RFX3: variants seen among roughly 807,000 people sequenced by gnomAD.
RFX3 encodes regulatory factor X3, also known as transcription factor RFX3.
Under a neutral mutation model 98.6 loss-of-function variants are expected in RFX3, and 14 were observed. The observed-to-expected ratio is 0.14, with a 90% CI of 0.09 to 0.22. The LOEUF (loss-of-function observed/expected upper bound fraction) is 0.22. Among genes scored for constraint, RFX3 ranks in the 10% least tolerant of loss-of-function variants. RFX3 has a pLI of 1.00. For synonymous variants in RFX3, 383 were observed against 328.4 expected (o/e 1.17, Z -1.80); for missense variants, 639 against 926.9 (o/e 0.69, Z 4.03).
intron 4 of RFX3, among the ~76,000 whole-genome samples, chr9:3,319,287 G>C (rs1830989446): frequency 6.6e-6 from 1 of 152,202 alleles, no homozygotes; most frequent in African/African-American, 2.4e-5. Flanking sequence ...GAGATCCAGA[G>C]ATGTGTTTTA....
At chr9:3,362,121 ATTACTTAAATTCTCTC>A (rs1836532588) in intron 2 of RFX3, among the ~76,000 whole-genome samples, 1 of 152,192 alleles carries the variant, frequency 6.6e-6, no homozygotes. Context: ...TGGAAAAAAT[ATTACTTAAATTCTCTC>A]TCACTGTGTT....
At chr9:3,492,478 G>A (rs944477942) in intron 1 of RFX3, among the ~76,000 whole-genome samples, 2 of 152,192 alleles carry the variant, frequency 1.3e-5, no homozygotes, top group African/African-American at 4.8e-5. Flanking sequence ...TGCTCCCCGA[G>A]TCCTTCAGAC....
Position 3,221,739 on chromosome 9 carries a change from CT to C in RFX3, c.*3302del, listed in dbSNP as rs533859426. 1.3e-5 allele frequency: 2 copies of C among 152,108 alleles called. No homozygotes were observed. Among genetic ancestry groups the C allele is most frequent in the Non-Finnish European group, 2.9e-5 (2 of 67,992 alleles). The allele number at this position is 152,108 out of a possible 1,614,324, so 9.4% of individuals were successfully genotyped here. On this transcript the variant is annotated 3_prime_UTR_variant, in exon 17 of 17. Transcript: ENST00000617270. Reference sequence around the variant, plus strand: ...GTTCACTGGTTTCATGAATGCAAATCTTTTGAGTATGATTTTCAAACTATAT... The same window carrying C: ...GTTCACTGGTTTCATGAATGCAAATCTTTGAGTATGATTTTCAAACTATAT...
At chr9:3,439,849 A>G (rs1322017942) in intron 1 of RFX3, among the ~76,000 whole-genome samples, 1 of 152,030 alleles carries the variant, frequency 6.6e-6, no homozygotes, top group Non-Finnish European at 1.5e-5. Context: ...AATACTTCTC[A>G]TGTACATAAA....
At chr9:3,353,189 G>C (rs1420311215) in intron 2 of RFX3, among the ~76,000 whole-genome samples, 1 of 138,918 alleles carries the variant, frequency 7.2e-6, no homozygotes, top group African/African-American at 2.7e-5. Flanking sequence ...ACACTCTGGG[G>C]ACTGTTGTGG....
rs59801619 is a variant in RFX3 at position 3,300,959 on chromosome 9, A to T, written c.549+587T>A. On this transcript the variant is annotated intron_variant, in intron 5 of 16. Transcript: ENST00000617270. Reference sequence around the variant, plus strand: ...TAGTAATGGTAGTTTTATCTCAATTATTAGCAATTTATGGCTTGTAGACAG... The same window carrying T: ...TAGTAATGGTAGTTTTATCTCAATTTTTAGCAATTTATGGCTTGTAGACAG... Among the ~76,000 whole-genome samples the T allele has an allele frequency of 5.3e-3, 798 of 151,990 alleles. 9 individuals are homozygous for T. The highest frequency in any genetic ancestry group is 0.018 in the African/African-American group (757 of 41,512).
intron 16 of RFX3, among the ~76,000 whole-genome samples, chr9:3,225,623 T>C (rs532975229): frequency 9.2e-4 from 140 of 152,278 alleles, no homozygotes; most frequent in African/African-American, 3.0e-3. Flanking sequence ...CACTTTGGTA[T>C]GTTATGCTGG....
At chr9:3,472,824 T>C (rs941126277) in intron 1 of RFX3, among the ~76,000 whole-genome samples, 4 of 152,230 alleles carry the variant, frequency 2.6e-5, no homozygotes, top group African/African-American at 4.8e-5. Flanking sequence ...ACTGCTATAG[T>C]ATCCTGATGT....
intron 1 of RFX3, among the ~76,000 whole-genome samples, chr9:3,481,662 A>C (rs901039224): frequency 1.3e-5 from 2 of 152,172 alleles, no homozygotes; most frequent in Middle Eastern, 3.4e-3. Context: ...ATGGATCACA[A>C]ATTTCCATAT....
chr9:3,473,125 A>G (rs182870339), intron 1 of RFX3, among the ~76,000 whole-genome samples: 1 of 152,302 alleles, frequency 6.6e-6, no homozygotes, highest in African/African-American at 2.4e-5. Flanking sequence ...AAGAATCTCA[A>G]TGGTAGGCAA....
intron 1 of RFX3, among the ~76,000 whole-genome samples, chr9:3,513,022 C>T (rs578093542): frequency 6.6e-6 from 1 of 152,060 alleles, no homozygotes; most frequent in South Asian, 2.1e-4. Flanking sequence ...ATCTAATAAC[C>T]CATTTCTCTC....
intron 1 of RFX3, among the ~76,000 whole-genome samples, chr9:3,415,048 TTATA>T (rs1283291866): frequency 8.0e-6 from 1 of 125,296 alleles, no homozygotes; most frequent in Non-Finnish European, 1.6e-5. Flanking sequence ...ATATATATAC[TTATA>T]TATATACTCA....
At chr9:3,288,273 T>A (rs777836874) in intron 6 of RFX3, 23 bp from the exon 7 acceptor site, 5 of 1,608,738 alleles carry the variant, frequency 3.1e-6, no homozygotes, top group Non-Finnish European at 1.7e-6. Context: ...ACAAGAAACA[T>A]TAGAAACAAA....
intron 3 of RFX3, among the ~76,000 whole-genome samples, chr9:3,334,222 A>C (rs1049480434): frequency 1.3e-5 from 2 of 152,232 alleles, no homozygotes; most frequent in Non-Finnish European, 2.9e-5. Context: ...CTTACAGCTT[A>C]CTTTACTGTT....
intron 2 of RFX3, among the ~76,000 whole-genome samples, chr9:3,366,063 G>T (rs1837028435): frequency 6.6e-6 from 1 of 151,992 alleles, no homozygotes; most frequent in Non-Finnish European, 1.5e-5. Context: ...CCTTTTAGTT[G>T]TGTCACTGTG....
intron 14 of RFX3, among the ~76,000 whole-genome samples, chr9:3,249,404 T>C (rs1206619511): frequency 2.0e-5 from 3 of 152,116 alleles, no homozygotes; most frequent in Non-Finnish European, 4.4e-5. Flanking sequence ...CCCCGAGATG[T>C]TTTTCCTCTT....
chr9:3,396,998 C>T (rs1234185714), intron 1 of RFX3, among the ~76,000 whole-genome samples: 4 of 152,212 alleles, frequency 2.6e-5, no homozygotes, highest in Admixed American at 6.5e-5. Flanking sequence ...AATCAAAATT[C>T]GATTATAGTC....
intron 1 of RFX3, among the ~76,000 whole-genome samples, chr9:3,418,829 G>A (rs1340177988): frequency 1.3e-5 from 2 of 152,190 alleles, no homozygotes; most frequent in Non-Finnish European, 2.9e-5. Flanking sequence ...GAATGCCAAT[G>A]TTAAAACAAA....
chr9:3,499,818 A>G (rs536054444), intron 1 of RFX3, among the ~76,000 whole-genome samples: 2 of 152,256 alleles, frequency 1.3e-5, no homozygotes, highest in South Asian at 4.1e-4. Context: ...CTTTCCACGG[A>G]TATTTTTGCT....
Sources: gnomAD v4.1 joint callset for allele counts (sites outside exome capture counted in the v4.1 genomes callset) on GRCh38, gnomAD v4.1.1 for gene constraint, MANE v1.5 for transcripts, NCBI Gene and HGNC (gene_info 2026-07-23, HGNC 2026-07-21) for gene names.